The following KLHL8 variants were observed in gnomAD, a reference collection of about 807,000 sequenced individuals.
KLHL8 encodes kelch-like protein 8.
KLHL8 carries 38 observed loss-of-function variants against 63.5 expected under a neutral mutation model. The observed-to-expected ratio is 0.60, with a 90% CI of 0.46 to 0.78. The LOEUF is 0.78. KLHL8 is among the 30% of genes least tolerant of loss of function. The pLI is 0.00. For missense variants in KLHL8, 566 were observed against 752.4 expected (o/e 0.75, Z 2.90); for synonymous variants, 224 against 254.3 (o/e 0.88, Z 1.13).
chr4:87,206,600 G>C (rs988437194), intron 1 of KLHL8, among the ~76,000 whole-genome samples: 7 of 152,154 alleles, frequency 4.6e-5, no homozygotes, highest in Non-Finnish European at 8.8e-5. Flanking sequence ...CTGTAGAAAT[G>C]GTGGGAGATG....
intron 1 of KLHL8, among the ~76,000 whole-genome samples, chr4:87,232,044 T>C (rs1350695969): frequency 1.3e-5 from 2 of 152,200 alleles, no homozygotes; most frequent in African/African-American, 4.8e-5. Context: ...CAAAAATAAT[T>C]ATACATTTCC....
At chr4:87,231,021 T>G (rs1733126863) in intron 1 of KLHL8, among the ~76,000 whole-genome samples, 1 of 152,176 alleles carries the variant, frequency 6.6e-6, no homozygotes. Context: ...GATTTTTCTC[T>G]CTGTCTGGGT....
rs1730170885 is a variant in KLHL8 at position 87,161,516 on chromosome 4, C to T, written c.*2003G>A. On this transcript the variant is annotated 3_prime_UTR_variant, in exon 10 of 10. Coordinates refer to ENST00000273963, the MANE Select transcript of KLHL8 (RefSeq NM_020803.5). Reference sequence around the variant, plus strand: ...TGAAAATATAATAACCCTTATAACTCCTTACATATAAGAAAGACAGAAATA... The same window carrying T: ...TGAAAATATAATAACCCTTATAACTTCTTACATATAAGAAAGACAGAAATA... The T allele has an allele frequency of 6.6e-6, 1 of 152,052 alleles. No individual in the cohort carries two copies. Among genetic ancestry groups the T allele is most frequent in the Non-Finnish European group, 1.5e-5 (1 of 68,012 alleles). 9.4% of individuals were successfully genotyped at this position (152,052 alleles called of 1,614,324 possible).
At chr4:87,204,921 G>T (rs1354393875) in intron 1 of KLHL8, among the ~76,000 whole-genome samples, 3 of 151,912 alleles carry the variant, frequency 2.0e-5, no homozygotes, top group Non-Finnish European at 4.4e-5. Context: ...GTGATGATTA[G>T]ATAAATCTAC....
At chr4:87,198,374 T>C (rs144128856) in intron 1 of KLHL8, among the ~76,000 whole-genome samples, 1,809 of 152,244 alleles carry the variant, frequency 0.012, 42 homozygotes, top group African/African-American at 0.041. Context: ...CCCAAGCTCA[T>C]AGTTTGCTGA....
intron 3 of KLHL8, among the ~76,000 whole-genome samples, chr4:87,184,089 G>T (rs922053974): frequency 1.3e-5 from 2 of 152,128 alleles, no homozygotes; most frequent in African/African-American, 4.8e-5. Flanking sequence ...GCAAGACTTC[G>T]TTGCAGCAGT....
intron 8 of KLHL8, among the ~76,000 whole-genome samples, chr4:87,169,772 G>A (rs1023637139): frequency 5.3e-5 from 8 of 152,024 alleles, no homozygotes; most frequent in African/African-American, 1.9e-4. Context: ...GCTTGAGGCA[G>A]GAGGATCATG....
chr4:87,191,114 T>C (rs569651982), intron 2 of KLHL8, among the ~76,000 whole-genome samples: 121 of 152,292 alleles, frequency 7.9e-4, no homozygotes, highest in Non-Finnish European at 1.3e-3. Flanking sequence ...AGTGTATATA[T>C]AATATACAAA....
rs776701969 is a variant in KLHL8, at chr4:87,161,635, TAAAC to T, written c.*1880_*1883del. 64 of 152,308 alleles carry T rather than the reference TAAAC, an allele frequency of 4.2e-4. No individual in the cohort carries two copies. The highest frequency in any genetic ancestry group is 1.4e-3 in the African/African-American group (57 of 41,562). The allele number at this position is 152,308 out of a possible 1,614,324, so 9.4% of individuals were successfully genotyped here. ...TAACAAACATATTAGTAACCATAGCTAAACAAACACTGTAATATAAGAACTCCAT... is the reference window on the plus strand; with the variant it reads ...TAACAAACATATTAGTAACCATAGCTAAACACTGTAATATAAGAACTCCAT... On this transcript the variant is annotated 3_prime_UTR_variant, in exon 10 of 10. Transcript: ENST00000273963.
intron 8 of KLHL8, among the ~76,000 whole-genome samples, chr4:87,165,124 T>A (rs1578355092): frequency 8.5e-6 from 1 of 117,582 alleles, no homozygotes; most frequent in South Asian, 2.8e-4. Context: ...CACTCCAGCC[T>A]GGGCGACAGA....
intron 1 of KLHL8, among the ~76,000 whole-genome samples, chr4:87,227,289 T>C (rs1023356848): frequency 1.3e-5 from 2 of 151,974 alleles, no homozygotes; most frequent in Non-Finnish European, 2.9e-5. Context: ...TCTCTCGTTT[T>C]TCTTTCTTCC....
chr4:87,193,334 G>A (rs1225174195), intron 2 of KLHL8, among the ~76,000 whole-genome samples: 3 of 152,042 alleles, frequency 2.0e-5, no homozygotes, highest in Non-Finnish European at 4.4e-5. Context: ...ATCAAGTCAG[G>A]ATCATCCATA....
intron 8 of KLHL8, among the ~76,000 whole-genome samples, chr4:87,165,557 C>T (rs1432842436): frequency 6.6e-6 from 1 of 151,398 alleles, no homozygotes; most frequent in Admixed American, 6.6e-5. Context: ...CCACTCCTGG[C>T]TAATTTTTTT....
chr4:87,203,461 C>T (rs190898228), intron 1 of KLHL8, among the ~76,000 whole-genome samples: 6 of 149,836 alleles, frequency 4.0e-5, no homozygotes, highest in Non-Finnish European at 8.9e-5. Flanking sequence ...ACCTGGGAGG[C>T]GGAGCTTGCA....
intron 1 of KLHL8, among the ~76,000 whole-genome samples, chr4:87,218,342 G>A (rs1383351426): frequency 3.3e-5 from 5 of 150,904 alleles, no homozygotes; most frequent in Admixed American, 2.0e-4. Context: ...AGTGATTCTC[G>A]TGTCTCTGGG....
chr4:87,168,745 CGT>C (rs1442889140), intron 8 of KLHL8, among the ~76,000 whole-genome samples: 10 of 136,688 alleles, frequency 7.3e-5, no homozygotes, highest in South Asian at 2.3e-4. Context: ...TGTATATATA[CGT>C]GTATATATGT....
At chr4:87,221,094 G>A (rs1732826319), upstream of KLHL8, 1 of 152,144 alleles carries the variant, frequency 6.6e-6, no homozygotes, top group Admixed American at 6.5e-5. Flanking sequence ...CTGAGAGCTC[G>A]CTGCTAAAAA....
At chr4:87,208,365 T>C (rs982779269) in intron 1 of KLHL8, among the ~76,000 whole-genome samples, 1 of 150,178 alleles carries the variant, frequency 6.7e-6, no homozygotes, top group Non-Finnish European at 1.5e-5. Context: ...CTTCTTCTTT[T>C]TTTCTTTTTT....
chr4:87,226,919 T>TATATAATATATATAAATA lies in KLHL8; in HGVS notation n.58-5530_58-5529insTATTTATATATATTATAT, dbSNP rs1733026436. 3.3e-4 allele frequency among the ~76,000 whole-genome samples: 6 copies of TATATAATATATATAAATA among 18,388 alleles called. 1 individual carries two copies. The South Asian group carries it at 4.0e-3, about 12-fold the overall frequency. The allele number at this position is 18,388 out of a possible 152,430, so 12.1% of individuals were successfully genotyped here. On this transcript the variant is annotated intron_variant and non_coding_transcript_variant, in intron 1 of 1. Transcript: ENST00000506274. ...TAAATAATATATAATATATAAATAATATATATATTATATATAAATAATATA... is the reference window on the plus strand; with the variant it reads ...TAAATAATATATAATATATAAATAATATATAATATATATAAATAATATATATTATATATAAATAATATA...
Sources: gnomAD v4.1 joint callset for allele counts (sites outside exome capture counted in the v4.1 genomes callset) on GRCh38, gnomAD v4.1.1 for gene constraint, MANE v1.5 for transcripts, NCBI Gene and HGNC (gene_info 2026-07-23, HGNC 2026-07-21) for gene names.